GALNT16: variants seen among roughly 807,000 people sequenced by gnomAD.
GALNT16 encodes the protein UDP-GalNAc:polypeptide N-acetylgalactosaminyltransferase-like protein 1.
In GALNT16, 40 loss-of-function variants were observed where a neutral mutation model predicts 76.1. That is an observed-to-expected ratio of 0.53 (90% confidence interval 0.41 to 0.68). The LOEUF (loss-of-function observed/expected upper bound fraction) is 0.68, where lower values mean the gene tolerates loss of function less well. Ranked by LOEUF, GALNT16 falls within the 30% of genes least tolerant of loss-of-function variation. GALNT16 has a pLI of 0.00. For missense variants in GALNT16, 621 were observed against 731.9 expected (o/e 0.85, Z 1.75); for synonymous variants, 276 against 285.2 (o/e 0.97, Z 0.32).
Position 69,347,060 on chromosome 14 carries a change from T to C in GALNT16, c.1292T>C (p.Leu431Pro), listed in dbSNP as rs1400302886. ...PELTVPVKEALPGIIKQGVNC... is the reference protein window; with the variant it reads ...PELTVPVKEAPPGIIKQGVNC... ...CTCAGGGTCCCCGTGAAGGAAGCAC[T>C]CCCCGGCATCATTAAGCAGGGGGTG... is the stretch of plus-strand genomic sequence containing the variant. Residue 431 changes from leucine (L) to proline (P), a missense_variant, in exon 13 of 15, where the codon CTC becomes CCC. Transcript: ENST00000448469. The C allele has an allele frequency of 6.2e-7, 1 of 1,613,868 alleles. No individual in the cohort carries two copies. The highest frequency in any genetic ancestry group is 1.3e-5 in the African/African-American group (1 of 74,870).
chr14:69,316,134 A>G (rs1385057292), intron 1 of GALNT16, among the ~76,000 whole-genome samples: 2 of 152,182 alleles, frequency 1.3e-5, no homozygotes, highest in African/African-American at 4.8e-5. Context: ...GACAGGGGAC[A>G]GTGAATGACA....
the GALNT16 span, among the ~76,000 whole-genome samples, chr14:69,383,731 A>G: frequency 6.6e-6 from 1 of 152,242 alleles, no homozygotes; most frequent in Non-Finnish European, 1.5e-5. Context: ...TTCTGGAAAT[A>G]CTGTAGGTGG....
chr14:69,285,226 G>A (rs974784437), intron 1 of GALNT16, among the ~76,000 whole-genome samples: 4 of 151,968 alleles, frequency 2.6e-5, no homozygotes, highest in African/African-American at 9.7e-5. Flanking sequence ...ATTTTTAGTA[G>A]AGACGGGGTT....
intron 1 of GALNT16, among the ~76,000 whole-genome samples, chr14:69,315,543 G>C (rs572772386): frequency 3.9e-5 from 6 of 152,156 alleles, no homozygotes; most frequent in Non-Finnish European, 8.8e-5. Flanking sequence ...CCTGAACACC[G>C]CCCTGCCTGC....
chr14:69,385,112 T>C, the GALNT16 span, among the ~76,000 whole-genome samples: 2 of 152,348 alleles, frequency 1.3e-5, no homozygotes, highest in East Asian at 1.9e-4. Context: ...TTAAAGCTCA[T>C]GGTCATTCAG....
intron 9 of GALNT16, among the ~76,000 whole-genome samples, chr14:69,338,318 T>C (rs2045439469): frequency 6.6e-6 from 1 of 152,350 alleles, no homozygotes; most frequent in African/African-American, 2.4e-5. Context: ...TGTCTGGGGC[T>C]TTCTAGACAG....
intron 1 of GALNT16, among the ~76,000 whole-genome samples, chr14:69,296,775 T>C (rs541939468): frequency 1.1e-4 from 17 of 148,234 alleles, no homozygotes; most frequent in Admixed American, 5.3e-4. Flanking sequence ...GATAGACAGA[T>C]AGATGATAGA....
At chr14:69,268,284 G>T (rs1231142088) in intron 1 of GALNT16, among the ~76,000 whole-genome samples, 1 of 152,216 alleles carries the variant, frequency 6.6e-6, no homozygotes, top group Non-Finnish European at 1.5e-5. Flanking sequence ...GACAGGCATG[G>T]AATTGCCCAT....
At chr14:69,270,650 G>T (rs1459785744) in intron 1 of GALNT16, among the ~76,000 whole-genome samples, 1 of 152,228 alleles carries the variant, frequency 6.6e-6, no homozygotes, top group Non-Finnish European at 1.5e-5. Context: ...TTCCAAAGTT[G>T]CTGGATCAGC....
chr14:69,335,349 G>A (rs2045402943), intron 9 of GALNT16, among the ~76,000 whole-genome samples: 1 of 152,180 alleles, frequency 6.6e-6, no homozygotes, highest in Non-Finnish European at 1.5e-5. Flanking sequence ...TCTGGGAACT[G>A]GGGTGCAGTG....
At chr14:69,260,726 C>A (rs1447106609) in intron 1 of GALNT16, among the ~76,000 whole-genome samples, 1 of 151,746 alleles carries the variant, frequency 6.6e-6, no homozygotes. Context: ...GCCCGGCGTG[C>A]GCGCGCGGCT....
At chr14:69,338,853 C>A in intron 10 of GALNT16, 76 bp downstream of exon 10, 1 of 1,238,494 alleles carries the variant, frequency 8.1e-7, no homozygotes, top group Non-Finnish European at 1.1e-6. Flanking sequence ...CCAGTTATCA[C>A]TATGTGACTG....
intron 2 of GALNT16, among the ~76,000 whole-genome samples, chr14:69,322,925 G>GGGGTGTGT (rs797021875): frequency 1.3e-4 from 13 of 103,858 alleles, no homozygotes; most frequent in African/African-American, 5.1e-4. Context: ...TGGCTCACGG[G>GGGGTGTGT]GTGTGTGTGT....
intron 12 of GALNT16, among the ~76,000 whole-genome samples, chr14:69,342,645 G>T (rs868253789): frequency 1.3e-5 from 2 of 152,190 alleles, no homozygotes; most frequent in Admixed American, 6.5e-5. Flanking sequence ...AAACTGTGAA[G>T]AAAACACAGG....
intron 1 of GALNT16, among the ~76,000 whole-genome samples, chr14:69,295,096 C>T (rs977637428): frequency 2.0e-5 from 3 of 151,988 alleles, no homozygotes; most frequent in Non-Finnish European, 4.4e-5. Context: ...ACAATGAACC[C>T]CCACGGGCCC....
In GALNT16 at chr14:69,352,258, A is replaced by G; in HGVS notation, c.*90A>G. The G allele has an allele frequency of 9.0e-7, 1 of 1,109,360 alleles. No homozygotes were observed. Among genetic ancestry groups the G allele is most frequent in the Non-Finnish European group, 1.3e-6 (1 of 788,356 alleles). The allele number at this position is 1,109,360 out of a possible 1,614,324, so 68.7% of individuals were successfully genotyped here. Reference sequence around the variant, plus strand: ...GGGGAGTGCAAAGTGGGCTGTTCCCATCTCCTCACATTTCTGCCAGGACCA... The same window carrying G: ...GGGGAGTGCAAAGTGGGCTGTTCCCGTCTCCTCACATTTCTGCCAGGACCA... On this transcript the variant is annotated 3_prime_UTR_variant, in exon 15 of 15. Transcript: ENST00000448469.
the GALNT16 span, among the ~76,000 whole-genome samples, chr14:69,384,229 A>C: frequency 6.6e-6 from 1 of 152,240 alleles, no homozygotes; most frequent in Non-Finnish European, 1.5e-5. Context: ...ATTAAAAATA[A>C]AACTCTATCC....
chr14:69,320,496 G>GAA (rs140474492), intron 1 of GALNT16, among the ~76,000 whole-genome samples: 5 of 134,962 alleles, frequency 3.7e-5, no homozygotes, highest in Admixed American at 2.2e-4. Context: ...TCAAAAAAAA[G>GAA]AAAAAAAAAA....
chr14:69,318,137 T>C (rs888541735), intron 1 of GALNT16, among the ~76,000 whole-genome samples: 4 of 152,220 alleles, frequency 2.6e-5, no homozygotes, highest in African/African-American at 9.7e-5. Context: ...GGGCCTGTTG[T>C]TTCCATGACA....
Sources: gnomAD v4.1 joint callset for allele counts (sites outside exome capture counted in the v4.1 genomes callset) on GRCh38, gnomAD v4.1.1 for gene constraint, MANE v1.5 for transcripts, NCBI Gene and HGNC (gene_info 2026-07-23, HGNC 2026-07-21) for gene names.